The following NF1 variants were observed in gnomAD, a reference collection of about 807,000 sequenced individuals.
NF1 encodes neurofibromin 1.
In NF1, 122 loss-of-function variants were observed where a neutral mutation model predicts 325.7. That is an observed-to-expected ratio of 0.37 (90% confidence interval 0.32 to 0.44). The LOEUF (loss-of-function observed/expected upper bound fraction) is 0.44, where lower values mean the gene tolerates loss of function less well. NF1 is among the 20% of genes least tolerant of loss of function. NF1 has a pLI of 1.00. For synonymous variants in NF1, 1,091 were observed against 1,186.0 expected (o/e 0.92, Z 1.65); for missense variants, 2,140 against 3,415.4 (o/e 0.63, Z 9.31).
intron 36 of NF1, chr17:31,295,827 G>C: frequency 1.2e-6 from 2 of 1,614,204 alleles, no homozygotes; most frequent in Non-Finnish European, 8.5e-7. Context: ...ACGATATGTA[G>C]TTTGGAGGGC....
intron 48 of NF1, 129 bp downstream of exon 48, chr17:31,343,264 G>C (rs2069874966): frequency 1.1e-6 from 1 of 907,416 alleles, no homozygotes; most frequent in Non-Finnish European, 1.7e-6. Flanking sequence ...TGCAAACTAG[G>C]CCAGGCGTGG....
intron 2 of NF1, among the ~76,000 whole-genome samples, chr17:31,158,256 C>G (rs1307406902): frequency 6.6e-6 from 1 of 152,128 alleles, no homozygotes; most frequent in Admixed American, 6.5e-5. Context: ...ACTTACAAAA[C>G]TAATAAACTG....
intron 23 of NF1, 70 bp from the exon 24 acceptor site, chr17:31,230,772 C>T (rs983776211): frequency 3.0e-5 from 35 of 1,175,482 alleles, no homozygotes; most frequent in South Asian, 7.7e-5. Context: ...AGAAATCTTA[C>T]GTGACTAAAG....
intron 47 of NF1, among the ~76,000 whole-genome samples, chr17:31,341,490 T>C (rs2069819234): frequency 6.6e-6 from 1 of 151,970 alleles, no homozygotes; most frequent in Non-Finnish European, 1.5e-5. Context: ...GCCACTGCAC[T>C]CCAGCTTGGG....
At chr17:31,233,582 C>T (rs975270996) in intron 27 of NF1, among the ~76,000 whole-genome samples, 4 of 152,042 alleles carry the variant, frequency 2.6e-5, no homozygotes, top group Non-Finnish European at 5.9e-5. Flanking sequence ...TATTCTTTTC[C>T]CCATAATGTC....
chr17:31,166,193 A>G (rs1309880872), intron 4 of NF1, among the ~76,000 whole-genome samples: 1 of 152,150 alleles, frequency 6.6e-6, no homozygotes, highest in East Asian at 1.9e-4. Context: ...AATGACTTTA[A>G]AAGTCATTTG....
At chr17:31,308,634 TC>T (rs201784581) in intron 36 of NF1, among the ~76,000 whole-genome samples, 1 of 108,056 alleles carries the variant, frequency 9.3e-6, no homozygotes, top group Admixed American at 8.5e-5. Context: ...TCAAGGGTGT[TC>T]TTTTTTTTTT....
At chr17:31,258,823 A>G (rs918958989) in intron 32 of NF1, among the ~76,000 whole-genome samples, 1 of 152,160 alleles carries the variant, frequency 6.6e-6, no homozygotes, top group African/African-American at 2.4e-5. Context: ...AACATTTTTA[A>G]TATGTATTTT....
At chr17:31,186,276 G>A (rs371377960) in intron 8 of NF1, among the ~76,000 whole-genome samples, 1 of 152,132 alleles carries the variant, frequency 6.6e-6, no homozygotes, top group Non-Finnish European at 1.5e-5. Context: ...CCTATGATCA[G>A]TTGGCAGAGG....
Position 31,235,851 on chromosome 17 carries a change from A to T in NF1, c.3871-67A>T, listed in dbSNP as rs890015699. 8.7e-6 allele frequency: 14 copies of T among 1,610,238 alleles called. No individual in the cohort carries two copies. In the African/African-American group the frequency reaches 1.6e-4, roughly 18 times the overall value. ...ATTATGTACAGAATGTGCAGGGCTG[A>T]TTGTCTTCTTTTAAGGTAAAATATA... is the stretch of plus-strand genomic sequence containing the variant. On this transcript the variant is annotated intron_variant, in intron 28 of 57. Transcript: ENST00000358273.
At chr17:31,229,804 C>A (rs1340753280) in intron 21 of NF1, 31 bp from the exon 22 acceptor site, 2 of 1,610,570 alleles carry the variant, frequency 1.2e-6, no homozygotes, top group East Asian at 2.2e-5. Flanking sequence ...GCATTGATGG[C>A]AAATCATTAA....
intron 1 of NF1, among the ~76,000 whole-genome samples, chr17:31,124,517 G>A (rs530932587): frequency 6.8e-6 from 1 of 146,864 alleles, no homozygotes; most frequent in Admixed American, 6.8e-5. Flanking sequence ...TTGTTTTCAG[G>A]GTTTTTTTTT....
intron 51 of NF1, chr17:31,355,780 G>A (rs533853045): frequency 6.6e-6 from 1 of 152,602 alleles, no homozygotes; most frequent in South Asian, 2.1e-4. Context: ...AGCCCAGGAT[G>A]TGGAGGTTGC....
At chr17:31,181,667 T>A in intron 6 of NF1, 43 bp from the exon 7 acceptor site, 1 of 1,435,988 alleles carries the variant, frequency 7.0e-7, no homozygotes, top group Non-Finnish European at 9.8e-7. Context: ...ATTTACTGTA[T>A]TACAAAAAAT....
At chr17:31,321,051 C>T (rs2069175126) in intron 36 of NF1, 1 of 152,220 alleles carries the variant, frequency 6.6e-6, no homozygotes, top group African/African-American at 2.4e-5. Context: ...GAGACTTTCT[C>T]TTGCCCTTAC....
At chr17:31,307,137 C>A (rs996765803) in intron 36 of NF1, among the ~76,000 whole-genome samples, 2 of 152,044 alleles carry the variant, frequency 1.3e-5, no homozygotes, top group African/African-American at 4.8e-5. Context: ...ATTCTCCTCT[C>A]TCAGCCTCCA....
At chr17:31,306,712 T>C (rs1473460713) in intron 36 of NF1, among the ~76,000 whole-genome samples, 4 of 152,086 alleles carry the variant, frequency 2.6e-5, no homozygotes, top group African/African-American at 4.8e-5. Flanking sequence ...TTCAATCCAG[T>C]TGGTCAAGTA....
intron 51 of NF1, among the ~76,000 whole-genome samples, chr17:31,353,592 TG>T (rs1216190973): frequency 6.6e-6 from 1 of 152,196 alleles, no homozygotes; most frequent in Non-Finnish European, 1.5e-5. Flanking sequence ...CACTCCAGCC[TG>T]GGTGACAGAG....
At chr17:31,273,658 G>A (rs2067947099) in intron 36 of NF1, 1 of 152,162 alleles carries the variant, frequency 6.6e-6, no homozygotes, top group Non-Finnish European at 1.5e-5. Context: ...CTCACTGCAT[G>A]CTATTTAAAT....
Sources: allele counts gnomAD v4.1 joint callset (sites outside exome capture counted in the v4.1 genomes callset), GRCh38; gene constraint gnomAD v4.1.1; transcripts MANE v1.5; gene names NCBI Gene and HGNC (gene_info 2026-07-23, HGNC 2026-07-21).